The following MNAT1 variants were observed in gnomAD, a reference collection of about 807,000 sequenced individuals.
MNAT1 encodes the protein MNAT1 component of CDK activating kinase, also known as CDK-activating kinase assembly factor MAT1.
MNAT1 carries 43 observed loss-of-function variants against 42.0 expected under a neutral mutation model. The ratio of observed to expected loss-of-function variants is 1.02; its 90% CI spans 0.80 to 1.32. The LOEUF is 1.32. Among genes scored for constraint, MNAT1 ranks in the 40% most tolerant of loss-of-function variants. The pLI is 0.00. For missense variants in MNAT1, 306 were observed against 350.4 expected (o/e 0.87, Z 1.01); for synonymous variants, 118 against 120.0 (o/e 0.98, Z 0.11).
chr14:60,879,648 A>G, intron 6 of MNAT1, 66 bp from the exon 7 acceptor site: 1 of 1,450,448 alleles, frequency 6.9e-7, no homozygotes, highest in East Asian at 2.4e-5. Flanking sequence ...CTTTAAAATG[A>G]TTATAAATAA....
intron 7 of MNAT1, among the ~76,000 whole-genome samples, chr14:60,915,852 A>AC: frequency 6.6e-6 from 1 of 152,304 alleles, no homozygotes; most frequent in Non-Finnish European, 1.5e-5. Context: ...TTTACCTCAA[A>AC]CTTAACTTAA....
intron 7 of MNAT1, among the ~76,000 whole-genome samples, chr14:60,957,772 A>G (rs1349639201): frequency 2.0e-5 from 3 of 152,080 alleles, no homozygotes; most frequent in Non-Finnish European, 4.4e-5. Context: ...TTTACACACT[A>G]CCAGTACAGT....
At chr14:60,841,838 G>C (rs2033562061) in intron 6 of MNAT1, among the ~76,000 whole-genome samples, 1 of 152,178 alleles carries the variant, frequency 6.6e-6, no homozygotes, top group South Asian at 2.1e-4. Flanking sequence ...CCACTTTCAT[G>C]GTGATACTAT....
chr14:60,943,461 C>T (rs2036215674), intron 7 of MNAT1, among the ~76,000 whole-genome samples: 1 of 152,118 alleles, frequency 6.6e-6, no homozygotes, highest in Admixed American at 6.5e-5. Flanking sequence ...TCATTTGCCC[C>T]AGGCCATATG....
intron 6 of MNAT1, among the ~76,000 whole-genome samples, chr14:60,874,218 T>C (rs2034388987): frequency 1.3e-5 from 2 of 152,216 alleles, no homozygotes; most frequent in Admixed American, 6.5e-5. Context: ...TTTTGACAGT[T>C]CTGATTTCTT....
chr14:60,746,441 G>A (rs909857898), intron 1 of MNAT1, among the ~76,000 whole-genome samples: 22 of 151,832 alleles, frequency 1.4e-4, no homozygotes, highest in South Asian at 8.3e-4. Context: ...CTTGAACCTG[G>A]GAGGTGGAGG....
intron 7 of MNAT1, among the ~76,000 whole-genome samples, chr14:60,937,133 G>A (rs1165606866): frequency 2.0e-5 from 3 of 151,800 alleles, no homozygotes; most frequent in Non-Finnish European, 2.9e-5. Flanking sequence ...TTAGCCCTTT[G>A]TCAGAAGAGT....
chr14:60,933,429 C>T (rs1190192361), intron 7 of MNAT1, among the ~76,000 whole-genome samples: 1 of 152,030 alleles, frequency 6.6e-6, no homozygotes, highest in Non-Finnish European at 1.5e-5. Context: ...TGTTTTGAAG[C>T]AAACAAAGTA....
chr14:60,802,300 A>G (rs1452562043), intron 3 of MNAT1, among the ~76,000 whole-genome samples: 2 of 152,226 alleles, frequency 1.3e-5, no homozygotes, highest in Non-Finnish European at 2.9e-5. Context: ...AATGTATTGT[A>G]TATTTCAAAA....
intron 7 of MNAT1, among the ~76,000 whole-genome samples, chr14:60,887,182 T>C (rs1033988491): frequency 6.7e-6 from 1 of 150,320 alleles, no homozygotes; most frequent in Non-Finnish European, 1.5e-5. Flanking sequence ...TTTTTTGTTG[T>C]TGTTGTTACA....
chr14:60,751,599 G>C (rs933598844), intron 1 of MNAT1, among the ~76,000 whole-genome samples: 3 of 151,664 alleles, frequency 2.0e-5, no homozygotes, highest in Non-Finnish European at 4.4e-5. Flanking sequence ...TTATTTTATA[G>C]TATTTTTATT....
chr14:60,827,251 T>C (rs1030823914), intron 6 of MNAT1, among the ~76,000 whole-genome samples: 2 of 152,114 alleles, frequency 1.3e-5, no homozygotes, highest in African/African-American at 4.8e-5. Context: ...AAACATACCA[T>C]GCATTAACAA....
intron 7 of MNAT1, among the ~76,000 whole-genome samples, chr14:60,898,262 T>G (rs1426957358): frequency 2.0e-5 from 3 of 152,104 alleles, no homozygotes; most frequent in Admixed American, 1.3e-4. Context: ...CTTGATATAC[T>G]GATTTCTTTT....
chr14:60,907,967 A>C (rs747534862), intron 7 of MNAT1, among the ~76,000 whole-genome samples: 1 of 152,104 alleles, frequency 6.6e-6, no homozygotes. Flanking sequence ...AAACTTTTGT[A>C]ATTAAAATTA....
At chr14:60,866,094 A>C (rs1173362308) in intron 6 of MNAT1, among the ~76,000 whole-genome samples, 1 of 152,150 alleles carries the variant, frequency 6.6e-6, no homozygotes, top group African/African-American at 2.4e-5. Context: ...TGAAAACAAC[A>C]AAAGTAGCAA....
chr14:60,927,606 T>G (rs1300412450), intron 7 of MNAT1, among the ~76,000 whole-genome samples: 1 of 152,156 alleles, frequency 6.6e-6, no homozygotes, highest in Admixed American at 6.5e-5. Context: ...ATGTTTAGAT[T>G]TATCGTTTTG....
chr14:60,794,498 C>T (rs1243027438), intron 1 of MNAT1, among the ~76,000 whole-genome samples: 1 of 150,984 alleles, frequency 6.6e-6, no homozygotes, highest in Non-Finnish European at 1.5e-5. Context: ...GTCCCAGTCT[C>T]TACAAAAAAA....
Position 60,928,492 on chromosome 14 carries a change from T to A in MNAT1, c.810-39737T>A, listed in dbSNP as rs181950166. On this transcript the variant is annotated intron_variant, in intron 7 of 7. Transcript: ENST00000261245. Reference sequence around the variant, plus strand: ...TTCCTACTGGCATGAGGGTTTCCATTTTCCACATCCTCAGCAATGTTTATT... The same window carrying A: ...TTCCTACTGGCATGAGGGTTTCCATATTCCACATCCTCAGCAATGTTTATT... Among the ~76,000 whole-genome samples the A allele has an allele frequency of 4.3e-4, 65 of 152,342 alleles. 1 individual carries two copies. Among genetic ancestry groups the A allele is most frequent in the African/African-American group, 1.4e-3 (58 of 41,582 alleles).
At chr14:60,777,837 T>A (rs115505178) in intron 1 of MNAT1, among the ~76,000 whole-genome samples, 103 of 152,288 alleles carry the variant, frequency 6.8e-4, no homozygotes, top group African/African-American at 2.4e-3. Context: ...AAGCATCTTC[T>A]AGTGGAAAGA....
Sources: allele counts gnomAD v4.1 joint callset (sites outside exome capture counted in the v4.1 genomes callset), GRCh38; gene constraint gnomAD v4.1.1; transcripts MANE v1.5; gene names NCBI Gene and HGNC (gene_info 2026-07-23, HGNC 2026-07-21).